The following DPF3 variants were observed in gnomAD, a reference collection of about 807,000 sequenced individuals.
DPF3 encodes the protein double PHD fingers 3, also known as zinc finger protein DPF3.
In DPF3, 18 loss-of-function variants were observed where a neutral mutation model predicts 56.8. That is an observed-to-expected ratio of 0.32 (90% CI 0.22 to 0.47). The LOEUF is 0.47. Ranked by LOEUF, DPF3 falls within the 20% of genes least tolerant of loss-of-function variation. DPF3 has a pLI of 1.00. For missense variants in DPF3, 403 were observed against 488.8 expected (o/e 0.82, Z 1.65); for synonymous variants, 188 against 180.2 (o/e 1.04, Z -0.35).
At chr14:72,739,947 G>T (rs1890059027) in intron 3 of DPF3, among the ~76,000 whole-genome samples, 1 of 152,206 alleles carries the variant, frequency 6.6e-6, no homozygotes. Context: ...CAGTGTGACA[G>T]ATGGTAATCA....
At chr14:72,696,570 G>T (rs1342200208) in intron 6 of DPF3, among the ~76,000 whole-genome samples, 2 of 152,190 alleles carry the variant, frequency 1.3e-5, no homozygotes, top group East Asian at 3.8e-4. Context: ...GAACCATTTT[G>T]TGGGAAGGCC....
At chr14:72,670,956 A>T (rs1465681857) in intron 8 of DPF3, 1 of 798,814 alleles carries the variant, frequency 1.3e-6, no homozygotes. Flanking sequence ...TGTTGTACAT[A>T]CCCAAAACAG....
Position 72,836,153 on chromosome 14 carries a change from T to C in DPF3, c.32+57904A>G, listed in dbSNP as rs1884284521. 6.1e-6 allele frequency: 6 copies of C among 985,988 alleles called. No individual in the cohort carries two copies. In the South Asian group the frequency reaches 1.4e-4, roughly 23 times the overall value. The allele number at this position is 985,988 out of a possible 1,614,324, so 61.1% of individuals were successfully genotyped here. A position where few individuals can be genotyped will look rare whatever the true frequency, so the allele number is the denominator to read the frequency against. ...CCAGTGAGGAACAGGAGGCTGATCATTGTGTTCTCAGAAGGGGTTGGAGCC... is the reference window on the plus strand; with the variant it reads ...CCAGTGAGGAACAGGAGGCTGATCACTGTGTTCTCAGAAGGGGTTGGAGCC... On this transcript the variant is annotated intron_variant, in intron 1 of 10. Coordinates refer to ENST00000556509, the MANE Select transcript of DPF3 (RefSeq NM_001280542.3).
In DPF3 at chr14:72,612,519, T is replaced by C; in HGVS notation, c.*6778A>G. The C allele has an allele frequency of 3.9e-6, 2 of 518,926 alleles. No homozygotes were observed. The highest frequency in any genetic ancestry group is 2.8e-5 in the South Asian group (2 of 71,580). The allele number at this position is 518,926 out of a possible 1,614,324, so 32.1% of individuals were successfully genotyped here. On this transcript the variant is annotated 3_prime_UTR_variant, in exon 11 of 11. Coordinates refer to ENST00000556509, the MANE Select transcript of DPF3 (RefSeq NM_001280542.3). ...ATATTTTCTTTTTCCTATACGCCAC[T>C]GTTGCTTCCCACTTCCCACCTCCAC...
rs186269148 is a variant in DPF3, at chr14:72,724,633, C to T, written c.430-905G>A. The stretch of plus-strand genomic sequence containing the variant: ...GACTGTAGCAGAGGACCCAGCCCCA[C>T]AATGGGAGTAGGAAAAGAGGGAAGG... On this transcript the variant is annotated intron_variant, in intron 4 of 10. Coordinates refer to ENST00000556509, the MANE Select transcript of DPF3 (RefSeq NM_001280542.3). 9.4e-4 allele frequency among the ~76,000 whole-genome samples: 142 copies of T among 151,612 alleles called. 1 individual carries two copies. The highest frequency in any genetic ancestry group is 3.4e-4 in the Non-Finnish European group (23 of 67,940).
chr14:72,627,942 T>C (rs1169617207), intron 9 of DPF3, among the ~76,000 whole-genome samples: 6 of 152,148 alleles, frequency 3.9e-5, no homozygotes, highest in Non-Finnish European at 7.4e-5. Flanking sequence ...ATTGTTTGTA[T>C]ATGAGAAGGC....
At chr14:72,770,659 T>G (rs901054731) in intron 2 of DPF3, among the ~76,000 whole-genome samples, 1 of 152,220 alleles carries the variant, frequency 6.6e-6, no homozygotes, top group South Asian at 2.1e-4. Flanking sequence ...CGATTGACCA[T>G]GAGTTGAACA....
intron 3 of DPF3, among the ~76,000 whole-genome samples, chr14:72,732,932 CTCTT>C (rs749847634): frequency 1.1e-4 from 17 of 149,490 alleles, no homozygotes; most frequent in Non-Finnish European, 1.9e-4. Flanking sequence ...CTCTCTCTCT[CTCTT>C]TCTTTCTCTT....
chr14:72,858,328 C>T lies in DPF3; in HGVS notation c.32+35729G>A, dbSNP rs137904950. On this transcript the variant is annotated intron_variant, in intron 1 of 10. Transcript: ENST00000556509. The stretch of plus-strand genomic sequence containing the variant: ...TATCTCAAAAAAAAAAAAAAAAACC[C>T]AGGTGTGTCCAACTCCAGGCTTGTG... 3.5e-3 allele frequency among the ~76,000 whole-genome samples: 521 copies of T among 146,880 alleles called. 4 individuals are homozygous for T. Among genetic ancestry groups the T allele is most frequent in the African/African-American group, 0.013 (489 of 38,724 alleles).
intron 1 of DPF3, among the ~76,000 whole-genome samples, chr14:72,814,578 G>A (rs945901614): frequency 6.6e-6 from 1 of 152,170 alleles, no homozygotes; most frequent in Non-Finnish European, 1.5e-5. Context: ...ACTTTGGGAG[G>A]CTGAAGCAGA....
intron 6 of DPF3, among the ~76,000 whole-genome samples, chr14:72,697,659 C>T (rs978185140): frequency 1.3e-5 from 2 of 152,114 alleles, no homozygotes; most frequent in African/African-American, 4.8e-5. Context: ...GTTAAGCAGA[C>T]TGACATGTTA....
intron 1 of DPF3, among the ~76,000 whole-genome samples, chr14:72,845,494 C>T (rs370285622): frequency 2.1e-4 from 32 of 152,318 alleles, no homozygotes; most frequent in African/African-American, 7.5e-4. Flanking sequence ...CTGCTGGCCT[C>T]TCCACAGGCA....
chr14:72,761,494 C>A (rs905754274), intron 2 of DPF3, among the ~76,000 whole-genome samples: 2 of 151,920 alleles, frequency 1.3e-5, no homozygotes, highest in Non-Finnish European at 2.9e-5. Flanking sequence ...AGAAACCAAA[C>A]AGAAAAATAT....
chr14:72,720,882 T>C (rs139043150), intron 5 of DPF3, among the ~76,000 whole-genome samples: 1 of 152,262 alleles, frequency 6.6e-6, no homozygotes, highest in East Asian at 1.9e-4. Flanking sequence ...CAGCACATTT[T>C]TTTTAAAAAA....
At chr14:72,799,728 A>C (rs1892787816) in intron 1 of DPF3, among the ~76,000 whole-genome samples, 1 of 152,168 alleles carries the variant, frequency 6.6e-6, no homozygotes, top group South Asian at 2.1e-4. Flanking sequence ...GGTCTGAGGC[A>C]GGCAAATTAG....
Position 72,861,737 on chromosome 14 carries a change from GAGAAAGAAAGAA to G in DPF3, c.32+32308_32+32319del, listed in dbSNP as rs35048401. On this transcript the variant is annotated intron_variant, in intron 1 of 10. Coordinates refer to ENST00000556509, the MANE Select transcript of DPF3 (RefSeq NM_001280542.3). ...GAAGAAAGAGAGAGAAAGAAAGAAAGAGAAAGAAAGAAAGAAAGAAAGAAAGAAAGAAAGAAA... is the reference window on the plus strand; with the variant it reads ...GAAGAAAGAGAGAGAAAGAAAGAAAGAGAAAGAAAGAAAGAAAGAAAGAAA... Among the ~76,000 whole-genome samples, 689 of 84,558 alleles carry G rather than the reference GAGAAAGAAAGAA, an allele frequency of 8.1e-3. 4 individuals are homozygous for G. Among genetic ancestry groups the G allele is most frequent in the Middle Eastern group, 0.031 (6 of 192 alleles). 55.5% of individuals were successfully genotyped at this position (84,558 alleles called of 152,430 possible).
rs566487502 is a variant in DPF3, at chr14:72,765,749, C to T, written c.193+5984G>A. Among the ~76,000 whole-genome samples, 6 of 152,152 alleles carry T rather than the reference C, an allele frequency of 3.9e-5. No individual in the cohort carries two copies. The South Asian group carries it at 1.0e-3, about 26-fold the overall frequency. On this transcript the variant is annotated intron_variant, in intron 2 of 10. Coordinates refer to ENST00000556509, the MANE Select transcript of DPF3 (RefSeq NM_001280542.3). ...GATCACGAGGTCAGGAGATCGAGAC[C>T]ATCCTGGCTAACACGGTGAAACCCC...
At chr14:72,707,009 A>G (rs1336892122) in intron 6 of DPF3, among the ~76,000 whole-genome samples, 3 of 151,834 alleles carry the variant, frequency 2.0e-5, no homozygotes, top group Non-Finnish European at 4.4e-5. Flanking sequence ...CCAGAATGTG[A>G]TGTTCCCCTT....
chr14:72,675,458 T>C (rs1886869163), intron 7 of DPF3: 1 of 152,266 alleles, frequency 6.6e-6, no homozygotes, highest in African/African-American at 2.4e-5. Flanking sequence ...AGACCCAGTG[T>C]CTGCTGCTGC....
Sources: gnomAD v4.1 joint callset for allele counts (sites outside exome capture counted in the v4.1 genomes callset) on GRCh38, gnomAD v4.1.1 for gene constraint, MANE v1.5 for transcripts, NCBI Gene and HGNC (gene_info 2026-07-23, HGNC 2026-07-21) for gene names.